The following GFM2 variants were observed in gnomAD, a reference collection of about 807,000 sequenced individuals.
The protein encoded by GFM2 is GTP dependent ribosome recycling factor mitochondrial 2, also known as ribosome-releasing factor 2, mitochondrial.
GFM2 carries 72 observed loss-of-function variants against 95.4 expected under a neutral mutation model. The observed-to-expected ratio is 0.76, with a 90% CI of 0.62 to 0.92. The LOEUF (loss-of-function observed/expected upper bound fraction) is 0.92, where lower values mean the gene tolerates loss of function less well. Ranked by LOEUF, GFM2 falls within the 40% of genes least tolerant of loss-of-function variation. The pLI is 0.00. For synonymous variants in GFM2, 276 were observed against 317.5 expected, an observed-to-expected ratio of 0.87 and a Z score of 1.39; for missense variants, 825 against 924.1, an observed-to-expected ratio of 0.89 and a Z score of 1.39.
At chr5:74,723,651 TGTA>T (rs1421644590) in intron 19 of GFM2, among the ~76,000 whole-genome samples, 1 of 152,210 alleles carries the variant, frequency 6.6e-6, no homozygotes, top group African/African-American at 2.4e-5. Context: ...AACTCTTTAA[TGTA>T]GTTTTTAAAG....
intron 10 of GFM2, among the ~76,000 whole-genome samples, chr5:74,742,257 T>TA (rs36116775): frequency 0.23 from 32,111 of 139,654 alleles, 3,678 homozygotes; most frequent in African/African-American, 0.31. Flanking sequence ...TCAAACTTGG[T>TA]AAAAAAAAAA....
chr5:74,742,902 C>T (rs1324117851), intron 10 of GFM2, among the ~76,000 whole-genome samples: 3 of 152,016 alleles, frequency 2.0e-5, no homozygotes, highest in African/African-American at 4.8e-5. Flanking sequence ...CTCCTGACCT[C>T]GTGATCTGCC....
rs1323007080 is a variant in GFM2, at chr5:74,721,712, T to C, written c.2283A>G (p.Gln761=). 1 of 1,613,870 alleles carries C rather than the reference T, an allele frequency of 6.2e-7. No homozygotes were observed. Among genetic ancestry groups the C allele is most frequent in the Non-Finnish European group, 8.5e-7 (1 of 1,179,864 alleles). ...ATFALELSTY[Q]AMNPQDQNTL... is the part of the protein sequence containing the mutation. ...TATTTTGATCTTGAGGATTCATGGC[T>C]TGATAAGTAGATAGTTCTAAGGCAA... The change falls in exon 21 of 21, where the codon CAA becomes CAG. Residue 761 remains glutamine (Q), a synonymous_variant. Transcript: ENST00000296805.
intron 5 of GFM2, 129 bp from the exon 6 acceptor site, chr5:74,751,622 C>T: frequency 1.7e-6 from 1 of 588,788 alleles, no homozygotes; most frequent in Non-Finnish European, 2.9e-6. Flanking sequence ...TTTAATAGAG[C>T]CTTTACTCTT....
intron 17 of GFM2, among the ~76,000 whole-genome samples, chr5:74,728,783 G>A (rs560897027): frequency 6.6e-5 from 6 of 90,970 alleles, no homozygotes; most frequent in African/African-American, 2.7e-4. Context: ...TTGAGATGGC[G>A]TCTCACTCTG....
intron 10 of GFM2, among the ~76,000 whole-genome samples, chr5:74,742,503 A>C (rs1331456797): frequency 1.3e-5 from 2 of 152,200 alleles, no homozygotes; most frequent in Non-Finnish European, 2.9e-5. Flanking sequence ...TAAATAATTC[A>C]AATTATGCTT....
chr5:74,723,763 TGTCCCCCACCATGCTCAC>T (rs1011762592), intron 19 of GFM2, among the ~76,000 whole-genome samples: 3 of 152,180 alleles, frequency 2.0e-5, no homozygotes, highest in Non-Finnish European at 1.5e-5. Context: ...GTGTCTGGAA[TGTCCCCCACCATGCTCAC>T]GTCCTCCAAA....
At position 74,721,220 on chromosome 5, in the gene GFM2, CTT is replaced by C; in HGVS notation, c.*433_*434del. The stretch of plus-strand genomic sequence containing the variant: ...CCACAGCAATCTGTACTACAATCAA[CTT>C]TATTTTGAAATCATGTAAAATAAGA... On this transcript the variant is annotated 3_prime_UTR_variant, in exon 21 of 21. Coordinates refer to ENST00000296805, the MANE Select transcript of GFM2 (RefSeq NM_032380.5). The C allele has an allele frequency of 7.1e-7, 1 of 1,405,168 alleles. No individual in the cohort carries two copies. Among genetic ancestry groups the C allele is most frequent in the Non-Finnish European group, 1.0e-6 (1 of 989,962 alleles). 87.0% of individuals were successfully genotyped at this position (1,405,168 alleles called of 1,614,324 possible). A position where few individuals can be genotyped will look rare whatever the true frequency, so the allele number is the denominator to read the frequency against.
At chr5:74,738,799 CTAAAT>C in intron 12 of GFM2, among the ~76,000 whole-genome samples, 157 bp from the exon 13 acceptor site, 1 of 152,190 alleles carries the variant, frequency 6.6e-6, no homozygotes, top group South Asian at 2.1e-4. Flanking sequence ...CTTCCATTGA[CTAAAT>C]TACTCAATGG....
rs920594032 is a variant in GFM2, at chr5:74,730,293, G to A, written c.1693C>T (p.Arg565Ter). The A allele has an allele frequency of 5.6e-6, 9 of 1,611,678 alleles. No homozygotes were observed. The highest frequency in any genetic ancestry group is 1.7e-5 in the Admixed American group (1 of 59,404). Residue 565 changes from arginine (R) to a stop codon, truncating the protein, a stop_gained, in exon 17 of 21, where the codon CGA becomes TGA. Coordinates refer to ENST00000296805, the MANE Select transcript of GFM2 (RefSeq NM_032380.5). LOFTEE classifies it high-confidence loss of function. The part of the protein sequence containing the change: ...TYLGPLQVAY[R>*]ETILNSVRAT... The stretch of plus-strand genomic sequence containing the variant: ...CGAACTGAGTTTAGGATGGTCTCTC[G>A]ATATGCCACCTGGAGAGGCCCGAGA...
rs777960136 is a variant in GFM2 at position 74,745,685 on chromosome 5, A to G, written c.842T>C (p.Ile281Thr). The G allele has an allele frequency of 1.9e-5, 31 of 1,610,284 alleles. No homozygotes were observed. The East Asian group carries it at 2.5e-4, about 13-fold the overall frequency. Residue 281 changes from isoleucine (I) to threonine (T), a missense_variant, in exon 10 of 21, where the codon ATT (isoleucine) becomes ACT (threonine). Transcript: ENST00000296805. The stretch of plus-strand genomic sequence containing the variant: ...TCATTCATTATACTTTACTTGTTCA[A>G]TTAAGGCATTCCTTGCTTCAGTTGT... ...KETTEARNAL[I>T]EQVADLDDEF...
At chr5:74,750,846 C>T (rs1743664233) in intron 6 of GFM2, among the ~76,000 whole-genome samples, 179 bp from the exon 7 acceptor site, 1 of 152,058 alleles carries the variant, frequency 6.6e-6, no homozygotes, top group South Asian at 2.1e-4. Context: ...CACTGGTAGA[C>T]AAAAGGTGGA....
At chr5:74,722,582 TAACTTATCTTTCATAAATAAA>T (rs749668551) in intron 19 of GFM2, 21 bp from the exon 20 acceptor site, 2 of 1,578,868 alleles carry the variant, frequency 1.3e-6, no homozygotes, top group Non-Finnish European at 1.7e-6. Context: ...TAAAGAATGT[TAACTTATCTTTCATAAATAAA>T]AACTTAAAAT....
In GFM2 at chr5:74,745,737, T is replaced by C. The variant is rs1327957136; in HGVS notation, c.790A>G (p.Met264Val). 5 of 1,614,016 alleles carry C rather than the reference T, an allele frequency of 3.1e-6. No individual in the cohort carries two copies. The highest frequency in any genetic ancestry group is 4.2e-6 in the Non-Finnish European group (5 of 1,179,976). ...KDFERKPLLE[M>V]NDPELLKETT... ...TCCTTCAGCAATTCAGGATCATTCA[T>C]TTCCAAGAGGGGCTTTCTCTCAAAG... is the stretch of plus-strand genomic sequence containing the variant. Residue 264 changes from methionine to valine, a missense_variant, in exon 10 of 21, where the codon ATG (methionine) becomes GTG (valine). Transcript: ENST00000296805.
intron 19 of GFM2, among the ~76,000 whole-genome samples, chr5:74,723,362 C>T (rs565595607): frequency 8.5e-5 from 13 of 152,320 alleles, no homozygotes; most frequent in African/African-American, 3.1e-4. Flanking sequence ...CAACATGTCC[C>T]ACACTGAGCT....
At chr5:74,749,666 T>C (rs532784454) in intron 7 of GFM2, among the ~76,000 whole-genome samples, 8 of 152,350 alleles carry the variant, frequency 5.3e-5, no homozygotes, top group African/African-American at 1.9e-4. Context: ...TATTCTCTTA[T>C]ATAACCAATA....
At chr5:74,723,031 T>G (rs1009374757) in intron 19 of GFM2, among the ~76,000 whole-genome samples, 10 of 151,916 alleles carry the variant, frequency 6.6e-5, no homozygotes, top group Non-Finnish European at 2.9e-5. Context: ...AAGAAGAACA[T>G]GCATAAAGAA....
At chr5:74,754,430 G>A (rs180796486) in intron 5 of GFM2, among the ~76,000 whole-genome samples, 7 of 151,958 alleles carry the variant, frequency 4.6e-5, no homozygotes, top group South Asian at 4.2e-4. Flanking sequence ...TGGTAGAATG[G>A]ATAAGAGTTC....
chr5:74,738,298 G>T lies in GFM2; in HGVS notation c.1320+20C>A, dbSNP rs1283251631. 2 of 1,567,072 alleles carry T rather than the reference G, an allele frequency of 1.3e-6. No homozygotes were observed. Among genetic ancestry groups the T allele is most frequent in the Non-Finnish European group, 1.7e-6 (2 of 1,146,706 alleles). On this transcript the variant is annotated intron_variant, in intron 14 of 20. Coordinates refer to ENST00000296805, the MANE Select transcript of GFM2 (RefSeq NM_032380.5). ...AATATTTAAGCTGTTATTTCCTAGA[G>T]AAATCATTTGGTCACTTACATGTTT...
Sources: gnomAD v4.1 joint callset for allele counts (sites outside exome capture counted in the v4.1 genomes callset) on GRCh38, gnomAD v4.1.1 for gene constraint, MANE v1.5 for transcripts, NCBI Gene and HGNC (gene_info 2026-07-23, HGNC 2026-07-21) for gene names.